Variants in SNTG1 observed in about 807,000 individuals in gnomAD.
SNTG1 encodes the protein syntrophin gamma 1.
In SNTG1, 39 loss-of-function variants were observed where a neutral mutation model predicts 74.7. The ratio of observed to expected loss-of-function variants is 0.52; its 90% CI spans 0.40 to 0.68. The LOEUF is 0.68. Ranked by LOEUF, SNTG1 falls within the 30% of genes least tolerant of loss-of-function variation. The pLI is 0.00. For missense variants in SNTG1, 685 were observed against 609.5 expected, an observed-to-expected ratio of 1.12 and a Z score of -1.30; for synonymous variants, 254 against 217.1, an observed-to-expected ratio of 1.17 and a Z score of -1.49.
At chr8:50,079,876 C>G (rs1462775523) in intron 1 of SNTG1, among the ~76,000 whole-genome samples, 2 of 152,130 alleles carry the variant, frequency 1.3e-5, no homozygotes, top group Non-Finnish European at 2.9e-5. Context: ...GGTGTTATTT[C>G]TGAGGCTTCT....
intron 1 of SNTG1, among the ~76,000 whole-genome samples, chr8:50,164,936 T>C (rs1021000583): frequency 2.6e-5 from 4 of 152,130 alleles, no homozygotes; most frequent in African/African-American, 9.7e-5. Flanking sequence ...TATTTATAGG[T>C]TTTTAAATTT....
At chr8:50,307,818 T>C (rs963109168) in intron 2 of SNTG1, among the ~76,000 whole-genome samples, 1 of 152,126 alleles carries the variant, frequency 6.6e-6, no homozygotes, top group Non-Finnish European at 1.5e-5. Flanking sequence ...TATTTATAGC[T>C]GAACTTTTAG....
chr8:49,997,359 TATAA>T (rs1351156000), intron 1 of SNTG1, among the ~76,000 whole-genome samples: 1 of 152,148 alleles, frequency 6.6e-6, no homozygotes, highest in South Asian at 2.1e-4. Flanking sequence ...CCCATAAGTA[TATAA>T]ATATATTGTT....
intron 1 of SNTG1, among the ~76,000 whole-genome samples, chr8:50,122,553 C>G (rs1466956433): frequency 7.1e-6 from 1 of 141,830 alleles, no homozygotes; most frequent in Non-Finnish European, 1.6e-5. Context: ...GACATTGAGG[C>G]TCGTAGCTCA....
chr8:50,094,963 A>G (rs559383399), intron 1 of SNTG1, among the ~76,000 whole-genome samples: 1 of 152,322 alleles, frequency 6.6e-6, no homozygotes, highest in East Asian at 1.9e-4. Context: ...TACACCATAG[A>G]CTATTACATA....
rs543418248 is a variant in SNTG1 at position 50,222,833 on chromosome 8, T to C, written c.-28+50198T>C. Among the ~76,000 whole-genome samples the C allele has an allele frequency of 2.6e-5, 4 of 152,298 alleles. No homozygotes were observed. The East Asian group carries it at 7.7e-4, about 29-fold the overall frequency. ...CCACAGTTGCAGACAGAAGCAAATG[T>C]AGATGCTCTCTAGAGACATATAACA... On this transcript the variant is annotated intron_variant, in intron 2 of 18. Coordinates refer to ENST00000642720, the MANE Select transcript of SNTG1 (RefSeq NM_018967.5).
At chr8:50,018,141 G>A (rs988300331) in intron 1 of SNTG1, among the ~76,000 whole-genome samples, 2 of 152,038 alleles carry the variant, frequency 1.3e-5, no homozygotes, top group Non-Finnish European at 2.9e-5. Context: ...ATCCTAGCAA[G>A]TGTTTTGCAT....
At chr8:50,036,652 A>G (rs1054646722) in intron 1 of SNTG1, among the ~76,000 whole-genome samples, 1 of 152,238 alleles carries the variant, frequency 6.6e-6, no homozygotes, top group African/African-American at 2.4e-5. Context: ...TAAACAGACA[A>G]TAATACGTGT....
intron 12 of SNTG1, among the ~76,000 whole-genome samples, chr8:50,583,008 T>A (rs560049023): frequency 6.0e-4 from 91 of 152,180 alleles, no homozygotes; most frequent in Non-Finnish European, 1.0e-3. Flanking sequence ...AAAATTGAAT[T>A]TTATATTTTA....
In SNTG1 at chr8:50,246,748, T is replaced by C. The variant is rs539727393; in HGVS notation, c.-28+74113T>C. Reference sequence around the variant, plus strand: ...TCACTCTCATGGTAGGAAGATATCATGATTTGACCCTCCAGAGAGTCAACA... The same window carrying C: ...TCACTCTCATGGTAGGAAGATATCACGATTTGACCCTCCAGAGAGTCAACA... On this transcript the variant is annotated intron_variant, in intron 2 of 18. Transcript: ENST00000642720. Among the ~76,000 whole-genome samples, 14 of 152,284 alleles carry C rather than the reference T, an allele frequency of 9.2e-5. 1 individual carries two copies. The highest frequency in any genetic ancestry group is 3.1e-4 in the African/African-American group (13 of 41,554).
chr8:50,690,899 C>T (rs1427301832), intron 15 of SNTG1, among the ~76,000 whole-genome samples: 1 of 152,088 alleles, frequency 6.6e-6, no homozygotes, highest in Non-Finnish European at 1.5e-5. Context: ...CTTTGTAGGT[C>T]ACTCAGGACT....
At chr8:50,259,497 TC>T (rs369776545) in intron 2 of SNTG1, among the ~76,000 whole-genome samples, 58,974 of 73,612 alleles carry the variant, frequency 0.8, 22,681 homozygotes, top group East Asian at 0.9. Context: ...AGACGCTGTC[TC>T]AAAAAAAAAA....
chr8:50,511,155 G>A (rs545822259), intron 9 of SNTG1, among the ~76,000 whole-genome samples: 112 of 152,240 alleles, frequency 7.4e-4, no homozygotes, highest in African/African-American at 2.5e-3. Context: ...CTTTATTTCT[G>A]CCTTCATTTA....
intron 8 of SNTG1, among the ~76,000 whole-genome samples, chr8:50,478,174 C>T (rs1447103754): frequency 1.3e-5 from 2 of 152,154 alleles, no homozygotes; most frequent in African/African-American, 4.8e-5. Context: ...AACCTCCAGA[C>T]AGCAGCCCTT....
chr8:50,312,410 A>T (rs995341031), intron 2 of SNTG1, among the ~76,000 whole-genome samples: 3 of 151,018 alleles, frequency 2.0e-5, no homozygotes, highest in Non-Finnish European at 2.9e-5. Context: ...TTTTGGTATA[A>T]TTTTTTAAAA....
chr8:50,110,122 G>T (rs203908), intron 1 of SNTG1, among the ~76,000 whole-genome samples: 4 of 151,950 alleles, frequency 2.6e-5, no homozygotes, highest in Non-Finnish European at 5.9e-5. Flanking sequence ...CTGCTCCTGC[G>T]TATCTCTTAG....
intron 2 of SNTG1, among the ~76,000 whole-genome samples, chr8:50,213,499 G>A (rs4873132): frequency 0.43 from 65,478 of 151,918 alleles, 17,851 homozygotes; most frequent in African/African-American, 0.78. Context: ...AAAATTTTGG[G>A]AAAAATAAAT....
chr8:50,113,692 C>T (rs969585606), intron 1 of SNTG1, among the ~76,000 whole-genome samples: 2 of 152,078 alleles, frequency 1.3e-5, no homozygotes, highest in Non-Finnish European at 2.9e-5. Context: ...CCAGTTTTTG[C>T]CCATTCAGTA....
chr8:50,775,024 A>G (rs550139545), intron 18 of SNTG1, among the ~76,000 whole-genome samples: 8 of 151,060 alleles, frequency 5.3e-5, no homozygotes, highest in African/African-American at 1.5e-4. Flanking sequence ...ATACATGTAC[A>G]TATATAGTGT....
Sources: allele counts gnomAD v4.1 joint callset (sites outside exome capture counted in the v4.1 genomes callset), GRCh38; gene constraint gnomAD v4.1.1; transcripts MANE v1.5; gene names NCBI Gene and HGNC (gene_info 2026-07-23, HGNC 2026-07-21).